Variants in TMEM161B observed in about 807,000 individuals in gnomAD.
TMEM161B encodes transmembrane protein 161B.
In TMEM161B, 34 loss-of-function variants were observed where a neutral mutation model predicts 61.8. The observed-to-expected ratio is 0.55, with a 90% CI of 0.42 to 0.73. The LOEUF (loss-of-function observed/expected upper bound fraction) is 0.73, where lower values mean the gene tolerates loss of function less well. TMEM161B is among the 30% of genes least tolerant of loss of function. The probability of loss-of-function intolerance (pLI) is 0.00; values close to 1 mark genes in which losing one functional copy is unlikely to be tolerated. For synonymous variants in TMEM161B, 167 were observed against 192.8 expected, an observed-to-expected ratio of 0.87 and a Z score of 1.11; for missense variants, 456 against 558.5, an observed-to-expected ratio of 0.82 and a Z score of 1.85.
At chr5:88,230,029 A>C (rs1037783029) in intron 2 of TMEM161B, among the ~76,000 whole-genome samples, 1 of 151,988 alleles carries the variant, frequency 6.6e-6, no homozygotes, top group South Asian at 2.1e-4. Context: ...GTATCTCTAC[A>C]AAAAATTAAA....
At chr5:88,249,153 T>C (rs1045745802) in intron 1 of TMEM161B, among the ~76,000 whole-genome samples, 2 of 152,126 alleles carry the variant, frequency 1.3e-5, no homozygotes. Flanking sequence ...CAAAGCCCTG[T>C]ATGCCCTCCA....
chr5:88,264,254 C>G (rs1756060926), intron 1 of TMEM161B, among the ~76,000 whole-genome samples: 4 of 151,748 alleles, frequency 2.6e-5, no homozygotes. Flanking sequence ...AAAAACAACA[C>G]CATCAAAAAG....
downstream of TMEM161B, among the ~76,000 whole-genome samples, chr5:88,192,010 ATATATATATATATATATG>A (rs1275672013): frequency 1.1e-5 from 1 of 90,982 alleles, no homozygotes; most frequent in African/African-American, 4.8e-5. Flanking sequence ...ATATATATAT[ATATATATATATATATATG>A]TATATAGCCA....
chr5:88,207,210 C>T (rs1278136812), intron 5 of TMEM161B, 30 bp from the exon 6 acceptor site: 5 of 1,587,516 alleles, frequency 3.1e-6, no homozygotes, highest in Admixed American at 1.8e-5. Context: ...GGAAAAACCA[C>T]AATAAATTTA....
intron 1 of TMEM161B, 73 bp from the exon 2 acceptor site, chr5:88,240,989 T>C (rs1276611431): frequency 2.2e-5 from 23 of 1,035,834 alleles, no homozygotes; most frequent in Non-Finnish European, 3.1e-5. Context: ...AAACTTTCTG[T>C]ACATTTTGAA....
At position 88,195,895 on chromosome 5, in the gene TMEM161B, TC is replaced by T; in HGVS notation, c.*315del. ...AATAACTAGAGTCATGTGAGATGTT[TC>T]AAAGACTGCTGGAGGTTTCTGTAAA... On this transcript the variant is annotated 3_prime_UTR_variant, in exon 12 of 12. Transcript: ENST00000296595. 1 of 1,079,150 alleles carries T rather than the reference TC, an allele frequency of 9.3e-7. No homozygotes were observed. The highest frequency in any genetic ancestry group is 1.1e-6 in the Non-Finnish European group (1 of 889,538). The allele number at this position is 1,079,150 out of a possible 1,614,324, so 66.8% of individuals were successfully genotyped here.
At chr5:88,239,350 C>G (rs1418513992) in intron 2 of TMEM161B, among the ~76,000 whole-genome samples, 1 of 151,910 alleles carries the variant, frequency 6.6e-6, no homozygotes, top group Non-Finnish European at 1.5e-5. Flanking sequence ...ACGCAATTCT[C>G]AAGAGAAAGT....
chr5:88,207,303 A>G (rs536720146), intron 5 of TMEM161B, 123 bp from the exon 6 acceptor site: 12 of 939,630 alleles, frequency 1.3e-5, no homozygotes, highest in Non-Finnish European at 1.9e-5. Context: ...GGAGTTTAAA[A>G]CACTTTTAAA....
chr5:88,217,630 T>C (rs1234916750), intron 5 of TMEM161B, among the ~76,000 whole-genome samples: 1 of 152,048 alleles, frequency 6.6e-6, no homozygotes, highest in East Asian at 1.9e-4. Flanking sequence ...ACTAATGAAA[T>C]TAGTACTTTT....
chr5:88,204,693 T>C (rs1745101237), intron 8 of TMEM161B, among the ~76,000 whole-genome samples: 2 of 151,258 alleles, frequency 1.3e-5, no homozygotes, highest in Admixed American at 6.6e-5. Flanking sequence ...AAAGAAGCCA[T>C]TAGGGAGACG....
intron 5 of TMEM161B, among the ~76,000 whole-genome samples, chr5:88,208,020 A>T (rs1398119411): frequency 6.6e-6 from 1 of 152,174 alleles, no homozygotes; most frequent in Non-Finnish European, 1.5e-5. Flanking sequence ...CTTTACAGAC[A>T]TTTTAAAAAA....
intron 2 of TMEM161B, among the ~76,000 whole-genome samples, chr5:88,232,468 T>C (rs1248787100): frequency 2.0e-5 from 3 of 152,206 alleles, no homozygotes; most frequent in Admixed American, 2.0e-4. Context: ...AGACTAAAAT[T>C]AGTTGTTCAG....
intron 8 of TMEM161B, among the ~76,000 whole-genome samples, chr5:88,204,883 G>C (rs995562718): frequency 2.0e-5 from 3 of 151,826 alleles, no homozygotes; most frequent in East Asian, 1.9e-4. Flanking sequence ...AAATTAAAGG[G>C]AAATGACAGG....
intron 1 of TMEM161B, among the ~76,000 whole-genome samples, chr5:88,242,465 C>A (rs1752901205): frequency 6.6e-6 from 1 of 151,590 alleles, no homozygotes; most frequent in Admixed American, 6.6e-5. Flanking sequence ...ACCTTCTATA[C>A]CAAAAAAGCA....
chr5:88,240,983 T>A, intron 1 of TMEM161B, 67 bp from the exon 2 acceptor site: 1 of 1,078,688 alleles, frequency 9.3e-7, no homozygotes, highest in Non-Finnish European at 1.3e-6. Context: ...GCTGGAAAAC[T>A]TTCTGTACAT....
intron 5 of TMEM161B, among the ~76,000 whole-genome samples, chr5:88,209,750 T>A (rs1444511834): frequency 6.6e-6 from 1 of 152,182 alleles, no homozygotes; most frequent in African/African-American, 2.4e-5. Flanking sequence ...CACACTCACA[T>A]GTTCAAGCTT....
At chr5:88,264,204 T>C (rs1034166069) in intron 1 of TMEM161B, among the ~76,000 whole-genome samples, 1 of 151,560 alleles carries the variant, frequency 6.6e-6, no homozygotes, top group Non-Finnish European at 1.5e-5. Context: ...GCAATTCTAA[T>C]ATCCAGAATC....
chr5:88,236,553 T>A (rs796397285), intron 2 of TMEM161B, among the ~76,000 whole-genome samples: 2 of 152,224 alleles, frequency 1.3e-5, no homozygotes, highest in African/African-American at 2.4e-5. Flanking sequence ...TTAACTGATA[T>A]GACCAACTGT....
chr5:88,190,233 G>T (rs547282299), downstream of TMEM161B: 344 of 700,934 alleles, frequency 4.9e-4, 2 homozygotes, highest in African/African-American at 5.2e-3. Context: ...CATGCCGGGT[G>T]GAACGGCTGG....
Sources: allele counts gnomAD v4.1 joint callset (sites outside exome capture counted in the v4.1 genomes callset), GRCh38; gene constraint gnomAD v4.1.1; transcripts MANE v1.5; gene names NCBI Gene and HGNC (gene_info 2026-07-23, HGNC 2026-07-21).